Variants in STPG2 observed in about 807,000 individuals in gnomAD.
STPG2 encodes the protein sperm tail PG-rich repeat containing 2.
In STPG2, 56 loss-of-function variants were observed where a neutral mutation model predicts 54.2. That is an observed-to-expected ratio of 1.03 (90% CI 0.83 to 1.29). The LOEUF (loss-of-function observed/expected upper bound fraction) is 1.29, where lower values mean the gene tolerates loss of function less well. Among genes scored for constraint, STPG2 ranks in the 50% most tolerant of loss-of-function variants. The probability of loss-of-function intolerance (pLI) is 0.00; values close to 1 mark genes in which losing one functional copy is unlikely to be tolerated. For synonymous variants in STPG2, 200 were observed against 181.8 expected (o/e 1.10, Z -0.81); for missense variants, 596 against 544.9 (o/e 1.09, Z -0.93).
At chr4:97,948,881 T>C (rs1578722244) in intron 7 of STPG2, among the ~76,000 whole-genome samples, 1 of 152,130 alleles carries the variant, frequency 6.6e-6, no homozygotes, top group African/African-American at 2.4e-5. Context: ...GAAGAATGTA[T>C]ATTCTGAAAT....
At chr4:98,125,476 C>T (rs1739803470) in intron 3 of STPG2, among the ~76,000 whole-genome samples, 2 of 152,092 alleles carry the variant, frequency 1.3e-5, no homozygotes, top group Non-Finnish European at 2.9e-5. Context: ...TGCCTAGGTC[C>T]CTCCCCCACC....
At chr4:97,868,049 T>C (rs574161011) in intron 8 of STPG2, among the ~76,000 whole-genome samples, 1 of 151,990 alleles carries the variant, frequency 6.6e-6, no homozygotes. Flanking sequence ...ACATATTCAT[T>C]GAACTTTTTT....
intron 5 of STPG2, among the ~76,000 whole-genome samples, chr4:98,022,449 C>T (rs192991451): frequency 1.1e-3 from 169 of 152,296 alleles, no homozygotes; most frequent in African/African-American, 3.9e-3. Context: ...CTGCCCCTAA[C>T]ATTTTTTCCT....
chr4:97,695,035 A>C (rs1723521567), intron 10 of STPG2, among the ~76,000 whole-genome samples: 1 of 151,454 alleles, frequency 6.6e-6, no homozygotes, highest in African/African-American at 2.4e-5. Flanking sequence ...GACATAACAA[A>C]AAGAGAAAAC....
chr4:98,016,314 C>T (rs1403850198), intron 5 of STPG2, among the ~76,000 whole-genome samples: 1 of 152,108 alleles, frequency 6.6e-6, no homozygotes, highest in Non-Finnish European at 1.5e-5. Flanking sequence ...TGTTCCTTTC[C>T]AAATTCAGGA....
intron 5 of STPG2, among the ~76,000 whole-genome samples, chr4:98,096,116 T>C (rs1177339221): frequency 6.6e-6 from 1 of 152,156 alleles, no homozygotes; most frequent in East Asian, 1.9e-4. Flanking sequence ...TGAAATGGGC[T>C]GAGCATGGTG....
chr4:97,845,902 T>C (rs150126833), intron 8 of STPG2, among the ~76,000 whole-genome samples: 294 of 152,278 alleles, frequency 1.9e-3, no homozygotes, highest in African/African-American at 6.9e-3. Context: ...AGACTGGTAT[T>C]GTCACAGATT....
chr4:97,554,993 T>C (rs896364233), downstream of STPG2, among the ~76,000 whole-genome samples: 6 of 152,146 alleles, frequency 3.9e-5, no homozygotes, highest in African/African-American at 1.4e-4. Flanking sequence ...AGTCACCCTT[T>C]TACAAGTAAA....
chr4:97,877,229 C>G (rs1730210160), intron 8 of STPG2, among the ~76,000 whole-genome samples: 1 of 152,268 alleles, frequency 6.6e-6, no homozygotes, highest in Admixed American at 6.5e-5. Context: ...AACCCTCTCC[C>G]TTTTCCCCTA....
chr4:97,529,578 T>C (rs183878923), intron 4 of STPG2, among the ~76,000 whole-genome samples: 26 of 152,308 alleles, frequency 1.7e-4, no homozygotes, highest in African/African-American at 5.8e-4. Flanking sequence ...TCTTTGCATG[T>C]CTGGTAGAAT....
At chr4:98,017,968 G>A (rs1341374670) in intron 5 of STPG2, among the ~76,000 whole-genome samples, 1 of 151,944 alleles carries the variant, frequency 6.6e-6, no homozygotes, top group Non-Finnish European at 1.5e-5. Context: ...GGCCTCCCTA[G>A]CCATGTGGGA....
chr4:98,025,508 A>T (rs1736385625), intron 5 of STPG2: 1 of 624,172 alleles, frequency 1.6e-6, no homozygotes, highest in Admixed American at 1.9e-5. Context: ...ACAGGATAAA[A>T]ATAAATATAA....
chr4:98,005,661 G>T (rs1034112616), intron 5 of STPG2, among the ~76,000 whole-genome samples: 1 of 152,004 alleles, frequency 6.6e-6, no homozygotes, highest in African/African-American at 2.4e-5. Flanking sequence ...CTTGTAATGT[G>T]ATATATCCTA....
chr4:97,974,095 CT>C (rs1423410914), intron 6 of STPG2, among the ~76,000 whole-genome samples: 1 of 152,220 alleles, frequency 6.6e-6, no homozygotes, highest in East Asian at 1.9e-4. Context: ...ATGCCCAAGA[CT>C]GTGGGAACCT....
intron 9 of STPG2, among the ~76,000 whole-genome samples, chr4:97,732,759 A>C (rs945342183): frequency 6.6e-6 from 1 of 152,148 alleles, no homozygotes; most frequent in Non-Finnish European, 1.5e-5. Flanking sequence ...AAATAATCAC[A>C]TTAAAAAGTG....
chr4:97,541,448 CCA>C (rs897843984), intron 4 of STPG2, among the ~76,000 whole-genome samples: 24 of 152,108 alleles, frequency 1.6e-4, no homozygotes, highest in Admixed American at 1.4e-3. Flanking sequence ...GAACTACAAA[CCA>C]CTGCTCAACA....
chr4:97,888,091 C>A (rs1212744023), intron 8 of STPG2, among the ~76,000 whole-genome samples: 1 of 152,218 alleles, frequency 6.6e-6, no homozygotes. Context: ...ATGGAAAAGC[C>A]CTGGTGTCCA....
At chr4:97,855,465 G>A (rs1729303149) in intron 8 of STPG2, among the ~76,000 whole-genome samples, 2 of 151,936 alleles carry the variant, frequency 1.3e-5, no homozygotes, top group South Asian at 4.1e-4. Context: ...CTGCATTTAT[G>A]TCTTATTTTG....
chr4:97,739,711 G>A (rs1404070093), intron 9 of STPG2, among the ~76,000 whole-genome samples: 2 of 152,154 alleles, frequency 1.3e-5, no homozygotes, highest in Non-Finnish European at 2.9e-5. Context: ...CTGAAATTGT[G>A]GCAATAATCA....
Sources: gnomAD v4.1 joint callset for allele counts (sites outside exome capture counted in the v4.1 genomes callset) on GRCh38, gnomAD v4.1.1 for gene constraint, MANE v1.5 for transcripts, NCBI Gene and HGNC (gene_info 2026-07-23, HGNC 2026-07-21) for gene names.